TGFBI: variants seen among roughly 807,000 people sequenced by gnomAD.
TGFBI encodes the protein transforming growth factor beta induced.
Under a neutral mutation model 73.7 loss-of-function variants are expected in TGFBI, and 50 were observed. The ratio of observed to expected loss-of-function variants is 0.68; its 90% confidence interval spans 0.54 to 0.86. The LOEUF (loss-of-function observed/expected upper bound fraction) is 0.86. Among genes scored for constraint, TGFBI ranks in the 40% least tolerant of loss-of-function variants. The pLI is 0.00. For synonymous variants in TGFBI, 362 were observed against 360.5 expected (o/e 1.00, Z -0.05); for missense variants, 839 against 877.0 (o/e 0.96, Z 0.55).
chr5:136,036,492 G>T (rs1325046985), intron 2 of TGFBI, among the ~76,000 whole-genome samples: 1 of 152,210 alleles, frequency 6.6e-6, no homozygotes, highest in Non-Finnish European at 1.5e-5. Flanking sequence ...AGAGAACTCA[G>T]AGAGAGGAAG....
chr5:136,039,594 C>T (rs191633056), intron 2 of TGFBI, among the ~76,000 whole-genome samples: 9 of 152,298 alleles, frequency 5.9e-5, no homozygotes, highest in African/African-American at 7.2e-5. Context: ...TCCCCAAGAC[C>T]GCTCATCAGA....
chr5:136,037,995 C>A (rs1282986546), intron 2 of TGFBI, among the ~76,000 whole-genome samples: 1 of 152,156 alleles, frequency 6.6e-6, no homozygotes, highest in African/African-American at 2.4e-5. Context: ...CAAGCAGACC[C>A]CAGACCCATA....
intron 7 of TGFBI, among the ~76,000 whole-genome samples, chr5:136,052,211 A>G (rs1337861935): frequency 6.6e-6 from 1 of 152,258 alleles, no homozygotes; most frequent in East Asian, 1.9e-4. Flanking sequence ...TGCCCCCTAA[A>G]GTAGCACTTG....
At chr5:136,053,330 G>C (rs141280431) in intron 8 of TGFBI, among the ~76,000 whole-genome samples, 46 of 152,366 alleles carry the variant, frequency 3.0e-4, no homozygotes, top group Admixed American at 7.8e-4. Context: ...GAGGCAGTGG[G>C]GAGCTATTGA....
rs1442 is a variant in TGFBI, at chr5:136,047,300, G to C, written c.651G>C (p.Leu217=). ...TTGTAACTGTGAACTGTGCCCGGCT[G>C]CTGAAAGCCGACCACCATGCAACCA... ...NGIVTVNCAR[L]LKADHHATNG... is the part of the protein sequence containing the mutation. The change falls in exon 6 of 17, where the codon CTG becomes CTC. Residue 217 remains leucine, a synonymous_variant. Transcript: ENST00000442011. 0.45 allele frequency: 725,916 copies of C among 1,613,546 alleles called. 169,610 individuals carry two copies. Among genetic ancestry groups the C allele is most frequent in the Non-Finnish European group, 0.48 (562,985 of 1,179,780 alleles).
intron 2 of TGFBI, among the ~76,000 whole-genome samples, chr5:136,040,006 G>A (rs1354098580): frequency 6.6e-6 from 1 of 152,234 alleles, no homozygotes. Flanking sequence ...GGCCTACAGG[G>A]CCATTCCTTG....
intron 2 of TGFBI, among the ~76,000 whole-genome samples, chr5:136,042,491 A>T (rs562392550): frequency 6.6e-6 from 1 of 152,172 alleles, no homozygotes; most frequent in Admixed American, 6.5e-5. Flanking sequence ...ATCAAATCTT[A>T]CTTTAGTTGC....
chr5:136,041,974 G>C (rs555460698), intron 2 of TGFBI, among the ~76,000 whole-genome samples: 1 of 152,310 alleles, frequency 6.6e-6, no homozygotes, highest in East Asian at 1.9e-4. Context: ...TACTGCACCC[G>C]TGTGCACAGG....
At chr5:136,046,225 T>C in intron 3 of TGFBI, 110 bp from the exon 4 acceptor site, 1 of 1,352,116 alleles carries the variant, frequency 7.4e-7, no homozygotes, top group Admixed American at 2.1e-5. Context: ...CCCACATGCC[T>C]CCTCGTCCTC....
intron 1 of TGFBI, among the ~76,000 whole-genome samples, chr5:136,030,266 C>G (rs2126900667): frequency 6.6e-6 from 1 of 152,326 alleles, no homozygotes; most frequent in East Asian, 1.9e-4. Context: ...GATCTGTGCT[C>G]AAATCAAAAC....
In TGFBI at chr5:136,052,964, G is replaced by A; in HGVS notation, c.971G>A (p.Gly324Glu). The change falls in exon 8 of 17, where the codon GGG (glycine) becomes GAG (glutamate). Residue 324 changes from glycine to glutamate, a missense_variant. Physicochemically the swap from Gly to Glu is moderately conservative, Grantham distance 98 (BLOSUM62 -2). Transcript: ENST00000442011. ...ATGTGTGCTGAAGCCATCGTTGCGGGGCTGTCTGTAGAGACCCTGGAGGGC... is the reference window on the plus strand; with the variant it reads ...ATGTGTGCTGAAGCCATCGTTGCGGAGCTGTCTGTAGAGACCCTGGAGGGC... ...SAMCAEAIVA[G>E]LSVETLEGTT... The A allele has an allele frequency of 6.2e-7, 1 of 1,614,024 alleles. No homozygotes were observed. Among genetic ancestry groups the A allele is most frequent in the Non-Finnish European group, 8.5e-7 (1 of 1,179,892 alleles).
intron 14 of TGFBI, chr5:136,061,233 C>T: frequency 1.7e-6 from 1 of 576,718 alleles, no homozygotes; most frequent in Non-Finnish European, 3.1e-6. Context: ...TCCCAGCACT[C>T]CTCTTACAGC....
intron 2 of TGFBI, among the ~76,000 whole-genome samples, chr5:136,035,542 G>C (rs573253754): frequency 6.6e-6 from 1 of 150,632 alleles, no homozygotes; most frequent in African/African-American, 2.4e-5. Context: ...GGAGAATGGC[G>C]TGAACCTGGG....
intron 13 of TGFBI, among the ~76,000 whole-genome samples, 194 bp downstream of exon 13, chr5:136,059,408 A>G (rs972873408): frequency 6.6e-6 from 1 of 152,250 alleles, no homozygotes; most frequent in Non-Finnish European, 1.5e-5. Context: ...ATAGTTAGAC[A>G]TGAGTAAGAA....
chr5:136,053,229 G>A, intron 8 of TGFBI, 110 bp downstream of exon 8: 3 of 1,007,234 alleles, frequency 3.0e-6, no homozygotes, highest in South Asian at 1.5e-5. Context: ...TTCCCTGCCT[G>A]GACCCAGCTC....
chr5:136,040,592 C>T (rs575064823), intron 2 of TGFBI, among the ~76,000 whole-genome samples: 1 of 152,232 alleles, frequency 6.6e-6, no homozygotes, highest in Non-Finnish European at 1.5e-5. Context: ...CGAAACTGAT[C>T]CCTGGTGCCA....
chr5:136,045,795 T>A (rs1751417540), intron 3 of TGFBI: 1 of 152,160 alleles, frequency 6.6e-6, no homozygotes, highest in Admixed American at 6.5e-5. Flanking sequence ...TTAAGCTCAT[T>A]TTGGTCTAAG....
At chr5:136,047,593 T>A in intron 6 of TGFBI, 173 bp downstream of exon 6, 1 of 753,764 alleles carries the variant, frequency 1.3e-6, no homozygotes, top group South Asian at 1.8e-5. Flanking sequence ...ACATTCAGCT[T>A]GACCTAACCT....
chr5:136,059,378 C>T (rs762559131), intron 13 of TGFBI, among the ~76,000 whole-genome samples, 164 bp downstream of exon 13: 2 of 152,186 alleles, frequency 1.3e-5, no homozygotes, highest in Non-Finnish European at 2.9e-5. Flanking sequence ...AGAGGGTCTT[C>T]AGGGAAATCA....
Sources: gnomAD v4.1 joint callset for allele counts (sites outside exome capture counted in the v4.1 genomes callset) on GRCh38, gnomAD v4.1.1 for gene constraint, MANE v1.5 for transcripts, NCBI Gene and HGNC (gene_info 2026-07-23, HGNC 2026-07-21) for gene names.